KCNJ5: variants seen among roughly 807,000 people sequenced by gnomAD.
The protein encoded by KCNJ5 is potassium inwardly rectifying channel subfamily J member 5.
In KCNJ5, 12 loss-of-function variants were observed where a neutral mutation model predicts 20.2. That is an observed-to-expected ratio of 0.59 (90% CI 0.38 to 0.96). KCNJ5 has a LOEUF of 0.96. KCNJ5 is among the 40% of genes least tolerant of loss of function. The pLI, the probability that KCNJ5 is intolerant of heterozygous loss-of-function variation, is 0.00. For missense variants in KCNJ5, 449 were observed against 557.6 expected (o/e 0.81, Z 1.96); for synonymous variants, 210 against 213.9 (o/e 0.98, Z 0.16).
intron 1 of KCNJ5, chr11:128,903,407 G>A: frequency 1.2e-6 from 2 of 1,614,166 alleles, no homozygotes; most frequent in Non-Finnish European, 1.7e-6. Context: ...GCAGAGCTCA[G>A]CACAGACTCA....
chr11:128,903,630 G>T, intron 1 of KCNJ5: 22 of 1,082,942 alleles, frequency 2.0e-5, no homozygotes, highest in Non-Finnish European at 2.7e-5. Flanking sequence ...GAGTGACGGG[G>T]CACTCTTGGT....
chr11:128,895,892 A>AG (rs1369107366), intron 1 of KCNJ5, among the ~76,000 whole-genome samples: 1 of 152,244 alleles, frequency 6.6e-6, no homozygotes, highest in East Asian at 1.9e-4. Context: ...GAGCCCAGGG[A>AG]GGGGTTTGGA....
At chr11:128,904,089 G>A (rs991994042) in intron 1 of KCNJ5, among the ~76,000 whole-genome samples, 8 of 152,182 alleles carry the variant, frequency 5.3e-5, no homozygotes, top group Non-Finnish European at 7.4e-5. Flanking sequence ...CGACTAAAAC[G>A]GACTTAATAG....
chr11:128,904,764 TTGAC>T (rs1018126516), intron 1 of KCNJ5, among the ~76,000 whole-genome samples: 5 of 144,522 alleles, frequency 3.5e-5, no homozygotes, highest in East Asian at 2.0e-4. Flanking sequence ...CGCTGACTAA[TTGAC>T]TGAGTGAGTG....
chr11:128,891,460 A>AGAGAGAGAGAGG lies in KCNJ5; in HGVS notation c.-261_-260insGGAGAGAGAGAG, dbSNP rs1565540580. ...CACACACAGAGAGAGAGAGAGAGAG[A>AGAGAGAGAGAGG]GAGAGAGAGAGAGAGATTGTTCCAG... On this transcript the variant is annotated 5_prime_UTR_variant, in exon 1 of 3. Transcript: ENST00000529694. The AGAGAGAGAGAGG allele has an allele frequency of 8.6e-5, 13 of 150,842 alleles. No individual in the cohort carries two copies. The highest frequency in any genetic ancestry group is 3.0e-4 in the African/African-American group (12 of 39,992). The allele number at this position is 150,842 out of a possible 1,614,324, so 9.3% of individuals were successfully genotyped here.
chr11:128,916,417 T>C lies in KCNJ5; in HGVS notation c.946T>C (p.Cys316Arg), dbSNP rs1188360354. ...AACTTCCGTTTCCCCAGGCATGACC[T>C]GCCAAGCCCGGAGCTCCTACATGGA... Reference protein sequence around the residue: ...EGMVEATGMTCQARSSYMDTE... With the variant: ...EGMVEATGMTRQARSSYMDTE... The change falls in exon 3 of 3, where the codon TGC becomes CGC. Residue 316 changes from cysteine (C) to arginine (R), a missense_variant. Cys to Arg is a radical substitution (Grantham distance 180). This residue lies in a region of KCNJ5 where 145 missense variants were observed against 166.2 expected (regional missense o/e 0.87). Transcript: ENST00000529694. 1.2e-6 allele frequency: 2 copies of C among 1,614,034 alleles called. No individual in the cohort carries two copies. The highest frequency in any genetic ancestry group is 1.7e-6 in the Non-Finnish European group (2 of 1,179,878).
chr11:128,912,264 T>C lies in KCNJ5; in HGVS notation c.937+54T>C, dbSNP rs920499936. The C allele has an allele frequency of 2.2e-4, 311 of 1,388,492 alleles. 4 individuals are homozygous for C. Among genetic ancestry groups the C allele is most frequent in the South Asian group, 1.5e-3 (127 of 86,750 alleles). The allele number at this position is 1,388,492 out of a possible 1,614,324, so 86.0% of individuals were successfully genotyped here. On this transcript the variant is annotated intron_variant, in intron 2 of 2. Coordinates refer to ENST00000529694, the MANE Select transcript of KCNJ5 (RefSeq NM_000890.5). ...GGTGGCCCTACCTACACTTCAGACTTAGGCAACTGTGACTCCAGAAGATGC... is the reference window on the plus strand; with the variant it reads ...GGTGGCCCTACCTACACTTCAGACTCAGGCAACTGTGACTCCAGAAGATGC...
At chr11:128,903,263 T>A in intron 1 of KCNJ5, 1 of 1,302,094 alleles carries the variant, frequency 7.7e-7, no homozygotes, top group Non-Finnish European at 1.1e-6. Flanking sequence ...CTCTAAGACA[T>A]CCCATTTAAA....
At position 128,911,651 on chromosome 11, in the gene KCNJ5, G is replaced by C; in HGVS notation, c.378G>C (p.Trp126Cys). 6.2e-7 allele frequency: 1 copy of C among 1,614,202 alleles called. No homozygotes were observed. The highest frequency in any genetic ancestry group is 8.5e-7 in the Non-Finnish European group (1 of 1,180,024). ...GDLDHVGDQE[W>C]IPCVENLSGF... ...TGGACCATGTTGGCGACCAAGAGTG[G>C]ATTCCTTGTGTTGAAAACCTCAGTG... Residue 126 changes from tryptophan (W) to cysteine (C), a missense_variant, in exon 2 of 3, where the codon TGG (tryptophan) becomes TGC (cysteine). Physicochemically the swap from Trp to Cys is radical, Grantham distance 215 (BLOSUM62 -2). Coordinates refer to ENST00000529694, the MANE Select transcript of KCNJ5 (RefSeq NM_000890.5). The surrounding 1 kb of genome is among the most constrained non-coding windows in gnomAD (Gnocchi z 6.3).
At position 128,911,466 on chromosome 11, in the gene KCNJ5, G is replaced by A. The variant is rs1356200702; in HGVS notation, c.193G>A (p.Gly65Ser). Residue 65 changes from glycine (G) to serine (S), a missense_variant, in exon 2 of 3, where the codon GGC (glycine) becomes AGC (serine). Coordinates refer to ENST00000529694, the MANE Select transcript of KCNJ5 (RefSeq NM_000890.5). This position sits in a 1 kb window ranked among gnomAD's most constrained non-coding sequence, Gnocchi z 6.3. ...GAGTGGCAAGTGCAACGTGCACCAC[G>A]GCAACGTCCAGGAGACCTACCGGTA... ...EKSGKCNVHHGNVQETYRYLS... is the reference protein window; with the variant it reads ...EKSGKCNVHHSNVQETYRYLS... 15 of 1,614,200 alleles carry A rather than the reference G, an allele frequency of 9.3e-6. No individual in the cohort carries two copies. The highest frequency in any genetic ancestry group is 3.3e-5 in the Admixed American group (2 of 60,030).
At chr11:128,903,351 C>T (rs376118611) in intron 1 of KCNJ5, 30 of 1,613,710 alleles carry the variant, frequency 1.9e-5, no homozygotes, top group South Asian at 1.5e-4. Flanking sequence ...GAACGCGATC[C>T]GGCAGCTGCA....
At chr11:128,908,544 A>G (rs1385499572) in intron 1 of KCNJ5, among the ~76,000 whole-genome samples, 2 of 152,222 alleles carry the variant, frequency 1.3e-5, no homozygotes, top group East Asian at 3.8e-4. Flanking sequence ...AGACGCAAAA[A>G]GTTTTCCTAT....
intron 1 of KCNJ5, among the ~76,000 whole-genome samples, chr11:128,905,194 G>T (rs1944380231): frequency 6.6e-6 from 1 of 152,148 alleles, no homozygotes; most frequent in African/African-American, 2.4e-5. Context: ...CACTGCCAAC[G>T]GCCTCCCCAC....
intron 1 of KCNJ5, among the ~76,000 whole-genome samples, chr11:128,905,301 A>G (rs1256910703): frequency 6.6e-6 from 1 of 151,664 alleles, no homozygotes; most frequent in Non-Finnish European, 1.5e-5. Context: ...CCTCCTCCGC[A>G]GCCGCAGAGC....
chr11:128,908,367 A>G (rs1944453420), intron 1 of KCNJ5, among the ~76,000 whole-genome samples: 1 of 152,240 alleles, frequency 6.6e-6, no homozygotes. Context: ...GAGGCAAAGA[A>G]AGTTAAGTTT....
rs765653746 is a variant in KCNJ5, at chr11:128,902,516, A to T, written c.-10-8748A>T. The T allele has an allele frequency of 1.9e-6, 3 of 1,562,800 alleles. No homozygotes were observed. The South Asian group carries it at 3.5e-5, about 18-fold the overall frequency. On this transcript the variant is annotated intron_variant, in intron 1 of 2. Transcript: ENST00000529694. ...GTCATAGCAGCCGTCTGCATGGGGG[A>T]GGGGGCTGGGGAGCACAGGGCTATT...
intron 1 of KCNJ5, among the ~76,000 whole-genome samples, chr11:128,910,765 A>C (rs898732616): frequency 2.0e-5 from 3 of 152,190 alleles, no homozygotes; most frequent in Admixed American, 6.5e-5. Flanking sequence ...GCCCCTGTGG[A>C]GCTTACATTC....
intron 1 of KCNJ5, among the ~76,000 whole-genome samples, chr11:128,892,998 G>A (rs1944118770): frequency 6.6e-6 from 1 of 152,182 alleles, no homozygotes; most frequent in African/African-American, 2.4e-5. Context: ...ACTAACAAAA[G>A]CTAATTCTGA....
intron 1 of KCNJ5, among the ~76,000 whole-genome samples, chr11:128,909,368 A>G (rs897051134): frequency 6.6e-6 from 1 of 152,200 alleles, no homozygotes; most frequent in East Asian, 1.9e-4. Flanking sequence ...TGCCCAAACC[A>G]TCCCCAAATG....
Sources: allele counts gnomAD v4.1 joint callset (sites outside exome capture counted in the v4.1 genomes callset), GRCh38; gene constraint gnomAD v4.1.1; regional missense constraint gnomAD v4.1.1; non-coding constraint Gnocchi (gnomAD v3.1); transcripts MANE v1.5; gene names NCBI Gene and HGNC (gene_info 2026-07-23, HGNC 2026-07-21).